LEPR: variants seen among roughly 807,000 people sequenced by gnomAD.
LEPR encodes the protein OB receptor.
A neutral mutation model predicts 114.7 loss-of-function variants in LEPR; 56 were observed. The observed-to-expected ratio is 0.49, with a 90% CI of 0.39 to 0.61. The LOEUF (loss-of-function observed/expected upper bound fraction) is 0.61. Among genes scored for constraint, LEPR ranks in the 20% least tolerant of loss-of-function variants. LEPR has a pLI of 0.00. For missense variants in LEPR, 1,202 were observed against 1,352.9 expected (o/e 0.89, Z 1.75); for synonymous variants, 443 against 461.4 (o/e 0.96, Z 0.51).
rs575827378 is a variant in LEPR at position 65,638,034 on chromosome 1, A to G, written c.*1019A>G. 2.6e-5 allele frequency: 4 copies of G among 152,188 alleles called. No homozygotes were observed. Among genetic ancestry groups the G allele is most frequent in the Non-Finnish European group, 5.9e-5 (4 of 68,026 alleles). 9.4% of individuals were successfully genotyped at this position (152,188 alleles called of 1,614,324 possible). A position where few individuals can be genotyped will look rare whatever the true frequency, so the allele number is the denominator to read the frequency against. On this transcript the variant is annotated 3_prime_UTR_variant, in exon 20 of 20. Transcript: ENST00000349533. ...TACCCTACATAGCCATCAATTTAAAAAAACTGACTTGTAATCAAAATTTAT... is the reference window on the plus strand; with the variant it reads ...TACCCTACATAGCCATCAATTTAAAGAAACTGACTTGTAATCAAAATTTAT...
chr1:65,559,876 T>C (rs1274393693), intron 2 of LEPR, among the ~76,000 whole-genome samples: 4 of 135,464 alleles, frequency 3.0e-5, no homozygotes, highest in African/African-American at 1.1e-4. Context: ...TGCGGCATTA[T>C]TTCTGAGGGC....
At chr1:65,570,181 C>T (rs1654056411) in intron 3 of LEPR, among the ~76,000 whole-genome samples, 1 of 151,990 alleles carries the variant, frequency 6.6e-6, no homozygotes, top group Non-Finnish European at 1.5e-5. Context: ...GTGTTTGTTT[C>T]CTTTTATTAA....
chr1:65,570,386 C>T (rs1654069377), intron 3 of LEPR, 87 bp from the exon 4 acceptor site: 1 of 1,304,638 alleles, frequency 7.7e-7, no homozygotes, highest in Non-Finnish European at 1.1e-6. Flanking sequence ...TTATTGAGCA[C>T]TACATGGTTT....
chr1:65,598,657 CA>C lies in LEPR; in HGVS notation c.850-2del. On this transcript the variant is annotated splice_acceptor_variant, in intron 7 of 19. Coordinates refer to ENST00000349533, the MANE Select transcript of LEPR (RefSeq NM_002303.6). LOFTEE classifies it high-confidence loss of function. ...TCTGATGTTTTAATATAATATTTAA[CA>C]GGCTGACAAGATTGTCTCAGCTACA... is the stretch of plus-strand genomic sequence containing the variant. 1 of 1,612,808 alleles carries C rather than the reference CA, an allele frequency of 6.2e-7. No homozygotes were observed. Among genetic ancestry groups the C allele is most frequent in the Non-Finnish European group, 8.5e-7 (1 of 1,179,478 alleles).
At chr1:65,552,197 A>G (rs1291532215) in intron 2 of LEPR, among the ~76,000 whole-genome samples, 1 of 152,162 alleles carries the variant, frequency 6.6e-6, no homozygotes, top group Non-Finnish European at 1.5e-5. Context: ...TTTGGGGTGG[A>G]GAGTTCTGTA....
intron 2 of LEPR, among the ~76,000 whole-genome samples, chr1:65,449,141 G>T (rs566121536): frequency 2.0e-5 from 3 of 152,122 alleles, no homozygotes; most frequent in African/African-American, 7.2e-5. Context: ...CGATCCACCT[G>T]CCTTGGCCTC....
chr1:65,526,029 C>G, intron 2 of LEPR: 2 of 875,830 alleles, frequency 2.3e-6, no homozygotes, highest in South Asian at 5.3e-5. Flanking sequence ...GGGCGACTCT[C>G]GGCTCCCGTG....
At chr1:65,578,274 G>T in intron 5 of LEPR, 2 of 225,324 alleles carry the variant, frequency 8.9e-6, no homozygotes, top group South Asian at 7.4e-5. Flanking sequence ...ATTCTTAAGT[G>T]GCTGAGTCAC....
At chr1:65,529,549 AAGGGAGGG>A (rs144507703) in intron 2 of LEPR, among the ~76,000 whole-genome samples, 4 of 100,026 alleles carry the variant, frequency 4.0e-5, no homozygotes, top group Non-Finnish European at 5.9e-5. Context: ...GGAAGGGAGG[AAGGGAGGG>A]AGGGAGGGAG....
chr1:65,467,988 C>T (rs536071748), intron 2 of LEPR, among the ~76,000 whole-genome samples: 38 of 152,336 alleles, frequency 2.5e-4, no homozygotes, highest in African/African-American at 7.5e-4. Flanking sequence ...TGACCCCTTG[C>T]GCTTCCCGGG....
At chr1:65,518,913 C>CT (rs756905053) in intron 2 of LEPR, among the ~76,000 whole-genome samples, 1 of 79,654 alleles carries the variant, frequency 1.3e-5, no homozygotes, top group African/African-American at 4.0e-5. Context: ...TTCTTTCTTT[C>CT]TTTCTCTCTT....
intron 19 of LEPR, among the ~76,000 whole-genome samples, chr1:65,624,598 C>G (rs1658086363): frequency 6.6e-6 from 1 of 152,138 alleles, no homozygotes; most frequent in Non-Finnish European, 1.5e-5. Context: ...ACCTAGTACA[C>G]CATAGATACA....
intron 2 of LEPR, among the ~76,000 whole-genome samples, chr1:65,477,279 C>A (rs1400731495): frequency 6.6e-6 from 1 of 152,154 alleles, no homozygotes; most frequent in Non-Finnish European, 1.5e-5. Flanking sequence ...TCCCCACCTC[C>A]CCGTGGCCCC....
chr1:65,447,171 C>T (rs1186362774), intron 2 of LEPR, among the ~76,000 whole-genome samples: 6 of 151,914 alleles, frequency 3.9e-5, no homozygotes, highest in African/African-American at 7.2e-5. Context: ...AAATCTTTGC[C>T]TAATGTCGTG....
At chr1:65,611,400 A>G (rs1657160521) in intron 14 of LEPR, among the ~76,000 whole-genome samples, 1 of 152,212 alleles carries the variant, frequency 6.6e-6, no homozygotes. Flanking sequence ...AATAAGAAAC[A>G]AGAGTCTTGC....
chr1:65,549,595 T>G (rs2100708395), intron 2 of LEPR, among the ~76,000 whole-genome samples: 1 of 152,360 alleles, frequency 6.6e-6, no homozygotes, highest in East Asian at 1.9e-4. Flanking sequence ...TTTCTTCCAG[T>G]TGATCGCATT....
At chr1:65,459,227 G>A (rs145501524) in intron 2 of LEPR, among the ~76,000 whole-genome samples, 7 of 152,324 alleles carry the variant, frequency 4.6e-5, no homozygotes, top group African/African-American at 1.4e-4. Flanking sequence ...GGCAGGCAGA[G>A]AATCACCCAT....
chr1:65,631,419 A>G (rs1330243887), intron 19 of LEPR, among the ~76,000 whole-genome samples: 2 of 152,130 alleles, frequency 1.3e-5, no homozygotes, highest in Admixed American at 1.3e-4. Context: ...CCTGAGCTGC[A>G]GCTGGATATA....
At chr1:65,519,013 C>CTT (rs1553160685) in intron 2 of LEPR, among the ~76,000 whole-genome samples, 16 of 66,296 alleles carry the variant, frequency 2.4e-4, no homozygotes, top group Admixed American at 9.1e-4. Flanking sequence ...TTCTTTCTTT[C>CTT]TCTTTCTTTC....
Sources: gnomAD v4.1 joint callset for allele counts (sites outside exome capture counted in the v4.1 genomes callset) on GRCh38, gnomAD v4.1.1 for gene constraint, MANE v1.5 for transcripts, NCBI Gene and HGNC (gene_info 2026-07-23, HGNC 2026-07-21) for gene names.